TMCO6: variants seen among roughly 807,000 people sequenced by gnomAD.
TMCO6 encodes transmembrane and coiled-coil domain-containing protein 6.
TMCO6 carries 47 observed loss-of-function variants against 61.8 expected under a neutral mutation model. That is an observed-to-expected ratio of 0.76 (90% CI 0.60 to 0.97). The LOEUF (loss-of-function observed/expected upper bound fraction) is 0.97, where lower values mean the gene tolerates loss of function less well. TMCO6 is among the 50% of genes least tolerant of loss of function. The probability of loss-of-function intolerance (pLI) is 0.00; values close to 1 mark genes in which losing one functional copy is unlikely to be tolerated. For synonymous variants in TMCO6, 261 were observed against 254.2 expected (o/e 1.03, Z -0.25); for missense variants, 557 against 601.6 (o/e 0.93, Z 0.78).
At chr5:140,612,334 C>CTTTTTT in the TMCO6 span, among the ~76,000 whole-genome samples, 31 of 112,226 alleles carry the variant, frequency 2.8e-4, 1 homozygote, top group African/African-American at 4.2e-4. Context: ...CTTGCCCAAT[C>CTTTTTT]TTTTTTTTTT....
upstream of TMCO6, among the ~76,000 whole-genome samples, chr5:140,636,952 A>G (rs937257698): frequency 1.4e-4 from 21 of 152,142 alleles, no homozygotes; most frequent in African/African-American, 5.1e-4. Context: ...GGGAGGAGAC[A>G]ACATCAAATA....
downstream of TMCO6, chr5:140,645,792 G>A (rs188764671): frequency 1.1e-4 from 173 of 1,518,870 alleles, no homozygotes; most frequent in East Asian, 3.5e-3. Context: ...GAGTATTAAA[G>A]AGATATGATC....
chr5:140,637,964 T>C (rs1756811833), upstream of TMCO6, among the ~76,000 whole-genome samples: 1 of 151,508 alleles, frequency 6.6e-6, no homozygotes, highest in South Asian at 2.1e-4. Context: ...TTTTCTTTCT[T>C]TCTTTTCTCC....
the TMCO6 span, among the ~76,000 whole-genome samples, chr5:140,629,513 A>G: frequency 6.6e-6 from 1 of 152,230 alleles, no homozygotes; most frequent in Non-Finnish European, 1.5e-5. Context: ...TCTAAAGTGT[A>G]TATGAAACAT....
the TMCO6 span, among the ~76,000 whole-genome samples, chr5:140,617,665 C>T: frequency 3.4e-5 from 5 of 148,578 alleles, no homozygotes; most frequent in East Asian, 2.0e-4. Context: ...ACCCAGGATG[C>T]GGAGGTTGCA....
In TMCO6 at chr5:140,642,961, A is replaced by G. The variant is rs1177528603; in HGVS notation, c.726A>G (p.Leu242=). The G allele has an allele frequency of 9.3e-6, 15 of 1,614,016 alleles. No homozygotes were observed. The highest frequency in any genetic ancestry group is 1.2e-5 in the Non-Finnish European group (14 of 1,180,022). ...CCTCCACTCTCCCTCAGCACATGCT[A>G]CAAATGTTGCAACCTGGCCCAAAGC... ...ILASTLPQHM[L]QMLQPGPKLN... Residue 242 remains leucine, a synonymous_variant, in exon 7 of 12, where the codon CTA becomes CTG. Transcript: ENST00000394671.
At chr5:140,596,888 T>C in the TMCO6 span, among the ~76,000 whole-genome samples, 12 of 152,334 alleles carry the variant, frequency 7.9e-5, no homozygotes, top group East Asian at 3.9e-4. Context: ...TTTGCTGTCT[T>C]TCTGTAAGTA....
chr5:140,612,334 C>CTTTTTTTTTTT, the TMCO6 span, among the ~76,000 whole-genome samples: 1 of 112,230 alleles, frequency 8.9e-6, no homozygotes, highest in Non-Finnish European at 1.7e-5. Context: ...CTTGCCCAAT[C>CTTTTTTTTTTT]TTTTTTTTTT....
chr5:140,635,758 T>C (rs566436553), upstream of TMCO6, among the ~76,000 whole-genome samples: 1 of 151,996 alleles, frequency 6.6e-6, no homozygotes, highest in Admixed American at 6.5e-5. Context: ...CAAAGGCTTG[T>C]GTTGTTGGGG....
the TMCO6 span, among the ~76,000 whole-genome samples, chr5:140,612,209 C>G: frequency 6.6e-6 from 1 of 152,182 alleles, no homozygotes; most frequent in Non-Finnish European, 1.5e-5. Flanking sequence ...AACCATCCGA[C>G]CACAAAGTGC....
chr5:140,637,145 C>T (rs1007562514), upstream of TMCO6, among the ~76,000 whole-genome samples: 3 of 152,012 alleles, frequency 2.0e-5, no homozygotes, highest in African/African-American at 4.8e-5. Context: ...GAGCCTCCCC[C>T]AAGAGTGGGA....
At position 140,639,844 on chromosome 5, in the gene TMCO6, A is replaced by C. The variant is rs1581457429; in HGVS notation, c.191A>C (p.Glu64Ala). The change falls in exon 2 of 12, where the codon GAA (glutamate) becomes GCA (alanine). Residue 64 changes from glutamate (E) to alanine (A), a missense_variant. Physicochemically the swap from Glu to Ala is moderately radical, Grantham distance 107. Transcript: ENST00000394671. ...GEGCVAAILG[E>A]TEVQQFLRQA... ...GGATGTGTGGCTGCGATCCTCGGGG[A>C]AACCGAGGTGAGGGGGCAAGGTAGG... 1 of 1,604,532 alleles carries C rather than the reference A, an allele frequency of 6.2e-7. No individual in the cohort carries two copies. The highest frequency in any genetic ancestry group is 1.3e-5 in the African/African-American group (1 of 74,842).
chr5:140,629,974 C>G, the TMCO6 span, among the ~76,000 whole-genome samples: 56 of 149,684 alleles, frequency 3.7e-4, no homozygotes, highest in African/African-American at 1.2e-3. Context: ...TATAACATAT[C>G]AATCCTCAAC....
chr5:140,609,632 A>G, the TMCO6 span, among the ~76,000 whole-genome samples: 2 of 133,508 alleles, frequency 1.5e-5, no homozygotes, highest in South Asian at 4.7e-4. Flanking sequence ...TCATAATGCA[A>G]TATCTCATAC....
chr5:140,647,633 C>T (rs143857164), downstream of TMCO6: 399 of 1,586,962 alleles, frequency 2.5e-4, 1 homozygote, highest in African/African-American at 4.6e-3. Context: ...CCAAGTGCTC[C>T]GGTCTGACCA....
At chr5:140,630,680 G>A in the TMCO6 span, among the ~76,000 whole-genome samples, 3 of 152,222 alleles carry the variant, frequency 2.0e-5, no homozygotes, top group Admixed American at 2.0e-4. Flanking sequence ...CTGGCTGGTT[G>A]AAGGCCCCTT....
the TMCO6 span, among the ~76,000 whole-genome samples, chr5:140,623,885 C>T: frequency 6.6e-6 from 1 of 152,220 alleles, no homozygotes; most frequent in South Asian, 2.1e-4. Context: ...CCAGCCATCC[C>T]TTTCTCATGT....
At chr5:140,616,025 A>T in the TMCO6 span, among the ~76,000 whole-genome samples, 1 of 152,106 alleles carries the variant, frequency 6.6e-6, no homozygotes, top group African/African-American at 2.4e-5. Context: ...CCAGCTACTC[A>T]GGAGGCTGAG....
the TMCO6 span, among the ~76,000 whole-genome samples, chr5:140,628,011 CTT>C: frequency 3.5e-5 from 5 of 144,096 alleles, no homozygotes; most frequent in South Asian, 2.2e-4. Flanking sequence ...GGTTGACTAT[CTT>C]TTTTTTTTTT....
Sources: allele counts gnomAD v4.1 joint callset (sites outside exome capture counted in the v4.1 genomes callset), GRCh38; gene constraint gnomAD v4.1.1; transcripts MANE v1.5; gene names NCBI Gene and HGNC (gene_info 2026-07-23, HGNC 2026-07-21).